ACSM1: variants seen among roughly 807,000 people sequenced by gnomAD.
The protein encoded by ACSM1 is acyl-CoA synthetase medium chain family member 1.
A neutral mutation model predicts 75.8 loss-of-function variants in ACSM1; 79 were observed. The observed-to-expected ratio is 1.04, with a 90% CI of 0.87 to 1.26. ACSM1 has a LOEUF of 1.26. ACSM1 is among the 50% of genes most tolerant of loss of function. The pLI, the probability that ACSM1 is intolerant of heterozygous loss-of-function variation, is 0.00. For missense variants in ACSM1, 676 were observed against 720.1 expected, an observed-to-expected ratio of 0.94 and a Z score of 0.70; for synonymous variants, 279 against 265.8, an observed-to-expected ratio of 1.05 and a Z score of -0.48.
At chr16:20,659,673 T>C (rs2019193161) in intron 7 of ACSM1, among the ~76,000 whole-genome samples, 1 of 152,088 alleles carries the variant, frequency 6.6e-6, no homozygotes. Flanking sequence ...GAATCCACTT[T>C]CCCCTTCATT....
intron 7 of ACSM1, among the ~76,000 whole-genome samples, chr16:20,650,339 G>T (rs2152235688): frequency 6.6e-6 from 1 of 152,198 alleles, no homozygotes; most frequent in East Asian, 1.9e-4. Flanking sequence ...AAGGTCATTT[G>T]CTTCTCCTAG....
intron 10 of ACSM1, among the ~76,000 whole-genome samples, chr16:20,632,129 C>T (rs1210661945): frequency 2.6e-5 from 4 of 152,074 alleles, no homozygotes; most frequent in African/African-American, 9.7e-5. Flanking sequence ...CAGTCTTTAG[C>T]ACATACGTTA....
At chr16:20,659,451 G>T (rs1389266147) in intron 7 of ACSM1, among the ~76,000 whole-genome samples, 1 of 152,150 alleles carries the variant, frequency 6.6e-6, no homozygotes, top group Admixed American at 6.6e-5. Context: ...TATCTAAGGT[G>T]CCTGGGGAGT....
At chr16:20,669,653 TGTGACTCAGGTATA>T (rs2019781054) in intron 6 of ACSM1, among the ~76,000 whole-genome samples, 160 bp downstream of exon 6, 1 of 152,164 alleles carries the variant, frequency 6.6e-6, no homozygotes, top group African/African-American at 2.4e-5. Context: ...CACATTTTGA[TGTGACTCAGGTATA>T]GTGACTCAGA....
intron 7 of ACSM1, among the ~76,000 whole-genome samples, chr16:20,652,361 T>C (rs978273189): frequency 1.3e-5 from 2 of 151,956 alleles, no homozygotes; most frequent in Non-Finnish European, 1.5e-5. Flanking sequence ...TATTTAAGGG[T>C]TATATATGAA....
intron 6 of ACSM1, among the ~76,000 whole-genome samples, chr16:20,668,191 A>G (rs1258304164): frequency 6.6e-6 from 1 of 152,240 alleles, no homozygotes; most frequent in South Asian, 2.1e-4. Flanking sequence ...TTTAGTCTTC[A>G]ATAAGATGGA....
At chr16:20,693,087 T>C (rs771064364) in intron 1 of ACSM1, among the ~76,000 whole-genome samples, 25 of 151,884 alleles carry the variant, frequency 1.6e-4, no homozygotes, top group Non-Finnish European at 3.4e-4. Flanking sequence ...GGAGAATCAC[T>C]TGAACCTGGG....
At chr16:20,633,143 GT>G (rs1596795094) in intron 10 of ACSM1, among the ~76,000 whole-genome samples, 2 of 152,238 alleles carry the variant, frequency 1.3e-5, no homozygotes, top group East Asian at 3.9e-4. Context: ...ATTCTACATA[GT>G]CCCGGAAGCT....
intron 4 of ACSM1, among the ~76,000 whole-genome samples, chr16:20,672,471 A>AAAAAATATAT (rs1555473775): frequency 9.3e-5 from 6 of 64,570 alleles, no homozygotes; most frequent in Non-Finnish European, 1.3e-4. Flanking sequence ...AAAAAAAAAA[A>AAAAAATATAT]ATATATATAT....
intron 2 of ACSM1, among the ~76,000 whole-genome samples, chr16:20,689,905 A>T (rs2079622200): frequency 6.6e-6 from 1 of 152,216 alleles, no homozygotes; most frequent in South Asian, 2.1e-4. Context: ...CTGCTCTCCC[A>T]CTTATTAGAC....
chr16:20,640,443 C>T lies in ACSM1; in HGVS notation c.1116+18G>A, dbSNP rs745753186. 4.6e-5 allele frequency: 75 copies of T among 1,613,958 alleles called. 1 individual carries two copies. In the South Asian group the frequency reaches 8.1e-4, roughly 17 times the overall value. On this transcript the variant is annotated intron_variant, in intron 8 of 13. Transcript: ENST00000520010. ...AATTGAGACCTGTCTCAGACACTTT[C>T]TGGTTTGCACCACCTACCGTTTCCG... is the stretch of plus-strand genomic sequence containing the variant.
intron 7 of ACSM1, among the ~76,000 whole-genome samples, chr16:20,643,165 G>C (rs1051881408): frequency 7.2e-5 from 11 of 152,198 alleles, no homozygotes; most frequent in African/African-American, 2.4e-4. Context: ...CAACTCTGAA[G>C]AGTTGGGGGT....
At chr16:20,627,366 A>G (rs1161043771) in intron 10 of ACSM1, 50 bp from the exon 11 acceptor site, 3 of 1,525,812 alleles carry the variant, frequency 2.0e-6, no homozygotes, top group African/African-American at 2.8e-5. Flanking sequence ...TTTAGAGGTG[A>G]TGAGCCACAA....
rs547560215 is a variant in ACSM1, at chr16:20,642,805, C to T, written c.993-2221G>A. Among the ~76,000 whole-genome samples the T allele has an allele frequency of 2.6e-5, 4 of 152,310 alleles. No homozygotes were observed. The South Asian group carries it at 6.2e-4, about 24-fold the overall frequency. On this transcript the variant is annotated intron_variant, in intron 7 of 13. Coordinates refer to ENST00000520010, the MANE Select transcript of ACSM1 (RefSeq NM_001318890.3). ...GCAAATGGGGGCAACAAGTAAAAAT[C>T]CTTCCACTGTGTTTCCAAAATCCAC...
chr16:20,655,383 A>T (rs538278603), intron 7 of ACSM1, among the ~76,000 whole-genome samples: 1 of 152,204 alleles, frequency 6.6e-6, no homozygotes, highest in South Asian at 2.1e-4. Context: ...TGTACCCTAG[A>T]ACTTAAAGTA....
At chr16:20,671,816 C>CT in intron 4 of ACSM1, 145 bp from the exon 5 acceptor site, 1 of 829,128 alleles carries the variant, frequency 1.2e-6, no homozygotes. Flanking sequence ...AGTTAGGCAT[C>CT]ACACTGACTT....
chr16:20,644,176 A>C (rs922457103), intron 7 of ACSM1, among the ~76,000 whole-genome samples: 1 of 152,222 alleles, frequency 6.6e-6, no homozygotes, highest in African/African-American at 2.4e-5. Flanking sequence ...TCTATCAAAA[A>C]TCCTAACCAA....
chr16:20,639,366 C>T (rs13339208), intron 8 of ACSM1, among the ~76,000 whole-genome samples: 424 of 152,292 alleles, frequency 2.8e-3, no homozygotes, highest in African/African-American at 9.2e-3. Context: ...GTCAAACCTG[C>T]GAGTTGTCCT....
chr16:20,644,888 T>C (rs1330619459), intron 7 of ACSM1, among the ~76,000 whole-genome samples: 1 of 152,220 alleles, frequency 6.6e-6, no homozygotes, highest in African/African-American at 2.4e-5. Context: ...GTCTAGTCCA[T>C]AGACATAAAG....
Sources: allele counts gnomAD v4.1 joint callset (sites outside exome capture counted in the v4.1 genomes callset), GRCh38; gene constraint gnomAD v4.1.1; transcripts MANE v1.5; gene names NCBI Gene and HGNC (gene_info 2026-07-23, HGNC 2026-07-21).